The following LHFPL6 variants were observed in gnomAD, a reference collection of about 807,000 sequenced individuals.
The protein encoded by LHFPL6 is LHFPL tetraspan subfamily member 6.
Under a neutral mutation model 20.6 loss-of-function variants are expected in LHFPL6, and 9 were observed. The observed-to-expected ratio is 0.44, with a 90% CI of 0.26 to 0.76. LHFPL6 has a LOEUF of 0.76. Among genes scored for constraint, LHFPL6 ranks in the 30% least tolerant of loss-of-function variants. The probability of loss-of-function intolerance (pLI) is 0.20; values close to 1 mark genes in which losing one functional copy is unlikely to be tolerated. For synonymous variants in LHFPL6, 105 were observed against 98.7 expected (o/e 1.06, Z -0.38); for missense variants, 218 against 253.5 (o/e 0.86, Z 0.95).
chr13:39,441,098 A>C (rs1029609967), intron 2 of LHFPL6, among the ~76,000 whole-genome samples: 3 of 151,276 alleles, frequency 2.0e-5, no homozygotes, highest in East Asian at 3.9e-4. Flanking sequence ...AAGCCTCCCA[A>C]GTAGCTGGGA....
At chr13:39,439,517 G>A (rs1593313467) in intron 2 of LHFPL6, among the ~76,000 whole-genome samples, 1 of 152,112 alleles carries the variant, frequency 6.6e-6, no homozygotes, top group East Asian at 1.9e-4. Flanking sequence ...AATGTGAGGG[G>A]GACATAAGAT....
chr13:39,391,654 G>A (rs544804564), intron 2 of LHFPL6, among the ~76,000 whole-genome samples: 1 of 151,912 alleles, frequency 6.6e-6, no homozygotes, highest in African/African-American at 2.4e-5. Flanking sequence ...CACTATTTAT[G>A]CTCATATAGC....
intron 3 of LHFPL6, among the ~76,000 whole-genome samples, chr13:39,364,261 T>A (rs1055651802): frequency 6.6e-6 from 1 of 152,164 alleles, no homozygotes; most frequent in Non-Finnish European, 1.5e-5. Flanking sequence ...TGTTGCTGGG[T>A]ATGGCTGCAC....
At chr13:39,572,381 C>T (rs749323936) in intron 2 of LHFPL6, among the ~76,000 whole-genome samples, 20 of 151,062 alleles carry the variant, frequency 1.3e-4, no homozygotes, top group Non-Finnish European at 2.4e-4. Context: ...AACATATACA[C>T]GTACACAAAT....
At chr13:39,492,909 A>T (rs964464401) in intron 2 of LHFPL6, among the ~76,000 whole-genome samples, 4 of 151,826 alleles carry the variant, frequency 2.6e-5, no homozygotes, top group Non-Finnish European at 5.9e-5. Flanking sequence ...TGAATTCCCG[A>T]CCTCAGGTGA....
chr13:39,463,620 G>A (rs1872736056), intron 2 of LHFPL6, among the ~76,000 whole-genome samples: 1 of 152,204 alleles, frequency 6.6e-6, no homozygotes, highest in South Asian at 2.1e-4. Context: ...CACTGTAGGT[G>A]TAGAGGCTCT....
At chr13:39,483,621 A>T (rs2138447287) in intron 2 of LHFPL6, among the ~76,000 whole-genome samples, 1 of 152,138 alleles carries the variant, frequency 6.6e-6, no homozygotes, top group Admixed American at 6.5e-5. Context: ...TTTTTTGATG[A>T]AATACTAAGG....
At chr13:39,412,200 C>G (rs1236349864) in intron 2 of LHFPL6, among the ~76,000 whole-genome samples, 1 of 152,142 alleles carries the variant, frequency 6.6e-6, no homozygotes, top group African/African-American at 2.4e-5. Context: ...TCGATACTTA[C>G]AAGAAATAAT....
chr13:39,406,553 A>C (rs1871115529), intron 2 of LHFPL6, among the ~76,000 whole-genome samples: 1 of 152,218 alleles, frequency 6.6e-6, no homozygotes. Context: ...TAAATGCAAC[A>C]AATTAAAGTA....
chr13:39,428,549 C>A (rs555950381), intron 2 of LHFPL6, among the ~76,000 whole-genome samples: 4 of 152,114 alleles, frequency 2.6e-5, no homozygotes, highest in Non-Finnish European at 5.9e-5. Flanking sequence ...ATATCACCTT[C>A]CTCATTCCTG....
At chr13:39,546,526 C>T (rs1025045785) in intron 2 of LHFPL6, among the ~76,000 whole-genome samples, 1 of 152,154 alleles carries the variant, frequency 6.6e-6, no homozygotes, top group African/African-American at 2.4e-5. Flanking sequence ...GTCCACCTGA[C>T]CTAGTGAATC....
At chr13:39,590,242 G>A (rs1415355416) in intron 2 of LHFPL6, among the ~76,000 whole-genome samples, 1 of 152,126 alleles carries the variant, frequency 6.6e-6, no homozygotes, top group Non-Finnish European at 1.5e-5. Context: ...TCCCTTCAGG[G>A]TGCAGGACCC....
At chr13:39,510,065 A>G (rs1017253513) in intron 2 of LHFPL6, among the ~76,000 whole-genome samples, 1 of 152,262 alleles carries the variant, frequency 6.6e-6, no homozygotes, top group African/African-American at 2.4e-5. Flanking sequence ...AGAATCCTGC[A>G]GGAAGACTGA....
At chr13:39,481,264 G>A (rs939773625) in intron 2 of LHFPL6, among the ~76,000 whole-genome samples, 1 of 152,126 alleles carries the variant, frequency 6.6e-6, no homozygotes, top group Non-Finnish European at 1.5e-5. Flanking sequence ...AAGGATTAGA[G>A]GAAAATACTT....
At chr13:39,352,988 T>TATAA (rs1358118369) in intron 3 of LHFPL6, among the ~76,000 whole-genome samples, 3 of 123,538 alleles carry the variant, frequency 2.4e-5, no homozygotes, top group East Asian at 4.9e-4. Context: ...TATATATATA[T>TATAA]AATTTTTTTT....
At chr13:39,556,476 C>T (rs1391284442) in intron 2 of LHFPL6, among the ~76,000 whole-genome samples, 3 of 152,140 alleles carry the variant, frequency 2.0e-5, no homozygotes, top group Non-Finnish European at 4.4e-5. Flanking sequence ...TACACCCTGG[C>T]GAAGAACTTG....
chr13:39,581,013 A>AC (rs1375811898), intron 2 of LHFPL6, among the ~76,000 whole-genome samples: 1 of 152,228 alleles, frequency 6.6e-6, no homozygotes, highest in Admixed American at 6.5e-5. Flanking sequence ...ACTTGAGGAA[A>AC]CAGTTTTTTC....
chr13:39,502,508 C>A (rs1869327218), intron 2 of LHFPL6, among the ~76,000 whole-genome samples: 1 of 151,284 alleles, frequency 6.6e-6, no homozygotes, highest in East Asian at 1.9e-4. Flanking sequence ...GTGGTTCCAG[C>A]TACTCAGGAG....
intron 2 of LHFPL6, among the ~76,000 whole-genome samples, chr13:39,385,193 G>C (rs1870534523): frequency 6.6e-6 from 1 of 152,216 alleles, no homozygotes; most frequent in Admixed American, 6.5e-5. Context: ...TAGGATTGTA[G>C]AGAGATGCTG....
Sources: gnomAD v4.1 joint callset for allele counts (sites outside exome capture counted in the v4.1 genomes callset) on GRCh38, gnomAD v4.1.1 for gene constraint, MANE v1.5 for transcripts, NCBI Gene and HGNC (gene_info 2026-07-23, HGNC 2026-07-21) for gene names.